The following WDR7 variants were observed in gnomAD, a reference collection of about 807,000 sequenced individuals.
The protein encoded by WDR7 is WD repeat domain 7.
Under a neutral mutation model 169.4 loss-of-function variants are expected in WDR7, and 46 were observed. The observed-to-expected ratio is 0.27, with a 90% CI of 0.21 to 0.35. The LOEUF (loss-of-function observed/expected upper bound fraction) is 0.35, where lower values mean the gene tolerates loss of function less well. Ranked by LOEUF, WDR7 falls within the 10% of genes least tolerant of loss-of-function variation. The pLI is 1.00. For synonymous variants in WDR7, 612 were observed against 666.8 expected, an observed-to-expected ratio of 0.92 and a Z score of 1.27; for missense variants, 1,534 against 1,859.3, an observed-to-expected ratio of 0.83 and a Z score of 3.22.
At chr18:56,765,869 T>C (rs1054912496) in intron 16 of WDR7, among the ~76,000 whole-genome samples, 1 of 152,198 alleles carries the variant, frequency 6.6e-6, no homozygotes, top group African/African-American at 2.4e-5. Context: ...GCAGGTTTGC[T>C]ACATGGATAC....
chr18:56,783,524 T>A (rs1009626628), intron 19 of WDR7, among the ~76,000 whole-genome samples: 2 of 152,104 alleles, frequency 1.3e-5, no homozygotes, highest in Admixed American at 6.5e-5. Flanking sequence ...AGAATTTTTT[T>A]AAAAATAAGA....
intron 26 of WDR7, among the ~76,000 whole-genome samples, chr18:56,974,281 G>A (rs778260524): frequency 6.6e-6 from 1 of 151,584 alleles, no homozygotes; most frequent in African/African-American, 2.4e-5. Flanking sequence ...AGCACAACTA[G>A]CATTAGCACA....
intron 20 of WDR7, among the ~76,000 whole-genome samples, chr18:56,835,193 AG>A (rs2145301095): frequency 6.6e-6 from 1 of 152,364 alleles, no homozygotes; most frequent in East Asian, 1.9e-4. Flanking sequence ...AGAGTAGAAT[AG>A]AGACATCTTT....
chr18:56,832,946 A>G (rs1363076961), intron 20 of WDR7, among the ~76,000 whole-genome samples: 1 of 151,856 alleles, frequency 6.6e-6, no homozygotes, highest in African/African-American at 2.4e-5. Context: ...AAGGATCACA[A>G]CTCCTCGCCA....
chr18:56,684,947 A>G (rs1427098250), intron 5 of WDR7, among the ~76,000 whole-genome samples: 1 of 152,198 alleles, frequency 6.6e-6, no homozygotes, highest in Non-Finnish European at 1.5e-5. Flanking sequence ...TATCTCTAAT[A>G]TTAGTTACAA....
intron 26 of WDR7, chr18:57,009,860 G>A: frequency 7.1e-6 from 7 of 985,398 alleles, no homozygotes; most frequent in Non-Finnish European, 7.2e-6. Context: ...GCAAAGGAGA[G>A]GTGACAAAGG....
intron 26 of WDR7, among the ~76,000 whole-genome samples, chr18:56,966,806 T>C (rs1201981439): frequency 1.3e-5 from 2 of 152,156 alleles, no homozygotes; most frequent in Non-Finnish European, 2.9e-5. Flanking sequence ...ATTGGAGGTA[T>C]GGTCAGATGC....
At chr18:56,725,051 CATT>C (rs1204467405) in intron 13 of WDR7, among the ~76,000 whole-genome samples, 1 of 151,248 alleles carries the variant, frequency 6.6e-6, no homozygotes, top group Non-Finnish European at 1.5e-5. Context: ...TCCAGTCTAT[CATT>C]GTTGGACATT....
chr18:57,030,493 A>T (rs2048434911), downstream of WDR7: 1 of 152,202 alleles, frequency 6.6e-6, no homozygotes, highest in Non-Finnish European at 1.5e-5. Context: ...TAGGGGCAGT[A>T]ACAGTTCTAT....
At chr18:56,696,009 G>A (rs2025695418) in intron 11 of WDR7, among the ~76,000 whole-genome samples, 1 of 152,064 alleles carries the variant, frequency 6.6e-6, no homozygotes, top group Non-Finnish European at 1.5e-5. Context: ...AAAATCTCAT[G>A]ACTAGTTTAA....
chr18:56,749,510 C>G (rs2144898663), intron 14 of WDR7, among the ~76,000 whole-genome samples: 1 of 151,750 alleles, frequency 6.6e-6, no homozygotes, highest in East Asian at 1.9e-4. Context: ...AACTCTTCTG[C>G]TTTATACTTT....
intron 19 of WDR7, among the ~76,000 whole-genome samples, chr18:56,783,805 G>T (rs777989807): frequency 6.6e-6 from 1 of 152,178 alleles, no homozygotes; most frequent in Non-Finnish European, 1.5e-5. Flanking sequence ...TTGGGAAAAA[G>T]AGATGCCATT....
intron 21 of WDR7, among the ~76,000 whole-genome samples, chr18:56,905,341 GT>G (rs1397016098): frequency 9.9e-5 from 15 of 152,016 alleles, no homozygotes; most frequent in Admixed American, 8.5e-4. Flanking sequence ...TAGAGACGGG[GT>G]TTCTCCATGT....
intron 21 of WDR7, among the ~76,000 whole-genome samples, chr18:56,917,079 C>T (rs1430676308): frequency 1.3e-5 from 2 of 152,102 alleles, no homozygotes; most frequent in Middle Eastern, 3.2e-3. Context: ...TGCCTGTAAT[C>T]CCAGCTACTT....
intron 19 of WDR7, among the ~76,000 whole-genome samples, chr18:56,799,208 C>T (rs2044631645): frequency 6.6e-6 from 1 of 152,064 alleles, no homozygotes; most frequent in Non-Finnish European, 1.5e-5. Context: ...TTGGAGGTGC[C>T]AAGGAATTCA....
chr18:56,864,219 T>TA (rs1207141952), intron 20 of WDR7, among the ~76,000 whole-genome samples: 1 of 151,674 alleles, frequency 6.6e-6, no homozygotes, highest in East Asian at 1.9e-4. Context: ...AATGTGTATT[T>TA]AAAAAACCTA....
At chr18:56,661,965 A>G (rs2024913133) in intron 1 of WDR7, among the ~76,000 whole-genome samples, 1 of 152,192 alleles carries the variant, frequency 6.6e-6, no homozygotes, top group African/African-American at 2.4e-5. Context: ...CACTCTTTTG[A>G]CAAATGACAT....
At position 56,983,570 on chromosome 18, in the gene WDR7, C is replaced by CAG. The variant is rs574515963; in HGVS notation, c.4164+21067_4164+21068dup. On this transcript the variant is annotated intron_variant, in intron 26 of 27. Coordinates refer to ENST00000254442, the MANE Select transcript of WDR7 (RefSeq NM_015285.3). Reference sequence around the variant, plus strand: ...ATATTTCAATAAACACACACACACACAGAGAGAGAGAGAGAGAGAGAGAGA... The same window carrying CAG: ...ATATTTCAATAAACACACACACACACAGAGAGAGAGAGAGAGAGAGAGAGAGA... Among the ~76,000 whole-genome samples the CAG allele has an allele frequency of 3.0e-3, 182 of 60,928 alleles. 1 individual carries two copies. Among genetic ancestry groups the CAG allele is most frequent in the South Asian group, 0.014 (16 of 1,172 alleles). The allele number at this position is 60,928 out of a possible 152,430, so 40.0% of individuals were successfully genotyped here. A position where few individuals can be genotyped will look rare whatever the true frequency, so the allele number is the denominator to read the frequency against.
At chr18:56,988,470 A>G (rs150268196) in intron 26 of WDR7, among the ~76,000 whole-genome samples, 334 of 152,260 alleles carry the variant, frequency 2.2e-3, no homozygotes, top group African/African-American at 7.7e-3. Context: ...GTTTAAACCC[A>G]TAAGCTTTTA....
Sources: allele counts gnomAD v4.1 joint callset (sites outside exome capture counted in the v4.1 genomes callset), GRCh38; gene constraint gnomAD v4.1.1; transcripts MANE v1.5; gene names NCBI Gene and HGNC (gene_info 2026-07-23, HGNC 2026-07-21).